The following ADAP2 variants were observed in gnomAD, a reference collection of about 807,000 sequenced individuals.
ADAP2 encodes the protein ArfGAP with dual PH domains 2, also known as arf-GAP with dual PH domain-containing protein 2.
Under a neutral mutation model 54.9 loss-of-function variants are expected in ADAP2, and 42 were observed. The ratio of observed to expected loss-of-function variants is 0.77; its 90% CI spans 0.60 to 0.99. ADAP2 has a LOEUF of 0.99. Ranked by LOEUF, ADAP2 falls within the 50% of genes least tolerant of loss-of-function variation. The pLI is 0.00. For missense variants in ADAP2, 429 were observed against 480.4 expected (o/e 0.89, Z 1.00); for synonymous variants, 177 against 180.1 (o/e 0.98, Z 0.14).
intron 6 of ADAP2, among the ~76,000 whole-genome samples, chr17:30,948,408 CAA>C (rs539830100): frequency 1.5e-5 from 2 of 137,538 alleles, no homozygotes; most frequent in African/African-American, 2.7e-5. Context: ...ACTAAAAATA[CAA>C]AAAAAAAAAA....
chr17:30,940,255 G>A (rs762500494), intron 5 of ADAP2, among the ~76,000 whole-genome samples: 4 of 151,598 alleles, frequency 2.6e-5, no homozygotes, highest in African/African-American at 9.7e-5. Context: ...AAGTCACCAC[G>A]CCTGGCCTTT....
intron 10 of ADAP2, 76 bp downstream of exon 10, chr17:30,956,545 G>A: frequency 7.8e-7 from 1 of 1,282,568 alleles, no homozygotes; most frequent in Non-Finnish European, 1.1e-6. Flanking sequence ...CTTAGGTTCA[G>A]CTTTGATACC....
At chr17:30,932,559 CTT>C (rs10562421) in intron 4 of ADAP2, among the ~76,000 whole-genome samples, 4,155 of 150,452 alleles carry the variant, frequency 0.028, 177 homozygotes, top group African/African-American at 0.093. Flanking sequence ...CAGCCAGACT[CTT>C]TTTCTTTTTC....
rs112024112 is a variant in ADAP2, at chr17:30,950,949, T to A, written c.741+1579T>A. Among the ~76,000 whole-genome samples the A allele has an allele frequency of 3.3e-3, 501 of 152,322 alleles. 2 individuals are homozygous for A. Among genetic ancestry groups the A allele is most frequent in the African/African-American group, 0.011 (470 of 41,584 alleles). On this transcript the variant is annotated intron_variant, in intron 7 of 10. Transcript: ENST00000330889. ...AAAGGAAATTGCTCTTTGGTCAACA[T>A]CCTCAATGTTCCCCTGCCTCTCTCA...
At chr17:30,933,519 G>A (rs1567717227) in intron 4 of ADAP2, among the ~76,000 whole-genome samples, 1 of 146,822 alleles carries the variant, frequency 6.8e-6, no homozygotes, top group Admixed American at 6.8e-5. Flanking sequence ...GCAGATGCCC[G>A]GAGGGAGTCT....
intron 3 of ADAP2, 24 bp downstream of exon 3, chr17:30,926,942 C>T (rs762503813): frequency 6.4e-7 from 1 of 1,574,178 alleles, no homozygotes; most frequent in African/African-American, 1.4e-5. Flanking sequence ...TCCTTAGGGA[C>T]TGGGTGAGGG....
At chr17:30,940,174 G>A (rs1325351057) in intron 5 of ADAP2, among the ~76,000 whole-genome samples, 1 of 151,850 alleles carries the variant, frequency 6.6e-6, no homozygotes, top group African/African-American at 2.4e-5. Flanking sequence ...TGTTGCCCAG[G>A]TTGGTCTTGA....
rs148812269 is a variant in ADAP2 at position 30,929,646 on chromosome 17, A to T, written c.318-2243A>T. Among the ~76,000 whole-genome samples the T allele has an allele frequency of 2.8e-3, 423 of 152,110 alleles. 1 individual carries two copies. Among genetic ancestry groups the T allele is most frequent in the Non-Finnish European group, 3.7e-3 (253 of 67,978 alleles). On this transcript the variant is annotated intron_variant, in intron 3 of 10. Coordinates refer to ENST00000330889, the MANE Select transcript of ADAP2 (RefSeq NM_018404.3). ...CATGGTGGGCCAGGTGATTCTCCTC[A>T]GTGATCTGTGGGCTGTGCACTAGGA... is the stretch of plus-strand genomic sequence containing the variant.
In ADAP2 at chr17:30,957,873, A is replaced by T; in HGVS notation, c.*4A>T. 1 of 1,612,818 alleles carries T rather than the reference A, an allele frequency of 6.2e-7. No homozygotes were observed. Among genetic ancestry groups the T allele is most frequent in the Non-Finnish European group, 8.5e-7 (1 of 1,179,474 alleles). ...GAGTGGCCGCAGCAGCAGGTGACCCATTAACTGAGGAACTGGCTGCCACTG... is the reference window on the plus strand; with the variant it reads ...GAGTGGCCGCAGCAGCAGGTGACCCTTTAACTGAGGAACTGGCTGCCACTG... On this transcript the variant is annotated 3_prime_UTR_variant, in exon 11 of 11. Coordinates refer to ENST00000330889, the MANE Select transcript of ADAP2 (RefSeq NM_018404.3).
At position 30,956,425 on chromosome 17, in the gene ADAP2, T is replaced by C; in HGVS notation, c.1067T>C (p.Leu356Ser). The change falls in exon 10 of 11, where the codon TTG becomes TCG. Residue 356 changes from leucine to serine, a missense_variant. Coordinates refer to ENST00000330889, the MANE Select transcript of ADAP2 (RefSeq NM_018404.3). ...GAACAGCAGGAATGGCTGGAAAGTT[T>C]GCGGGGTGTCCTGTCCAGCCCCTTG... is the stretch of plus-strand genomic sequence containing the variant. Reference protein sequence around the residue: ...EKEQQEWLESLRGVLSSPLTP... With the variant: ...EKEQQEWLESSRGVLSSPLTP... The C allele has an allele frequency of 6.8e-6, 11 of 1,614,160 alleles. No homozygotes were observed. The highest frequency in any genetic ancestry group is 1.3e-5 in the African/African-American group (1 of 75,036).
intron 5 of ADAP2, among the ~76,000 whole-genome samples, chr17:30,939,534 G>A (rs1166019975): frequency 6.6e-6 from 1 of 151,796 alleles, no homozygotes; most frequent in Non-Finnish European, 1.5e-5. Flanking sequence ...CACTTTGGGA[G>A]GCCGAGGCAG....
intron 4 of ADAP2, among the ~76,000 whole-genome samples, chr17:30,932,709 C>A (rs1335401271): frequency 6.6e-6 from 1 of 151,440 alleles, no homozygotes; most frequent in Non-Finnish European, 1.5e-5. Context: ...TCCTGAGTAG[C>A]TGGGATTACA....
At chr17:30,931,859 C>T (rs773724016) in intron 3 of ADAP2, 30 bp from the exon 4 acceptor site, 39 of 1,489,196 alleles carry the variant, frequency 2.6e-5, no homozygotes, top group South Asian at 6.0e-5. Flanking sequence ...ATGCATCAAA[C>T]GCAGCTGACC....
chr17:30,955,919 T>A (rs979018980), intron 9 of ADAP2, among the ~76,000 whole-genome samples: 1 of 151,144 alleles, frequency 6.6e-6, no homozygotes, highest in East Asian at 1.9e-4. Context: ...TAATTAATAA[T>A]TTTTTTTTGT....
At chr17:30,950,092 T>C (rs1243530711) in intron 7 of ADAP2, among the ~76,000 whole-genome samples, 3 of 152,234 alleles carry the variant, frequency 2.0e-5, no homozygotes, top group Non-Finnish European at 2.9e-5. Context: ...ATTTCACTGA[T>C]GAGTTATACA....
intron 5 of ADAP2, among the ~76,000 whole-genome samples, chr17:30,939,702 C>A (rs891203717): frequency 6.9e-6 from 1 of 144,288 alleles, no homozygotes; most frequent in African/African-American, 2.6e-5. Context: ...ACCTGGGAGG[C>A]GGAGCTTGCA....
chr17:30,949,402 C>A, intron 7 of ADAP2, 32 bp downstream of exon 7: 2 of 1,578,644 alleles, frequency 1.3e-6, no homozygotes, highest in Non-Finnish European at 1.7e-6. Flanking sequence ...ATTTCTGAAT[C>A]TCCTCTTGGC....
Position 30,921,962 on chromosome 17 carries a change from G to A in ADAP2, c.-53G>A, listed in dbSNP as rs1313073497. On this transcript the variant is annotated 5_prime_UTR_variant, in exon 1 of 11. Transcript: ENST00000330889. ...GCGGCCGGGTCCCTCTCCACCTGCC[G>A]GGCGGAGCGCACGGGCCATGGGCTG... The A allele has an allele frequency of 5.9e-6, 7 of 1,186,552 alleles. No homozygotes were observed. In the South Asian group the frequency reaches 2.0e-4, roughly 34 times the overall value. 73.5% of individuals were successfully genotyped at this position (1,186,552 alleles called of 1,614,324 possible). A position where few individuals can be genotyped will look rare whatever the true frequency, so the allele number is the denominator to read the frequency against.
At chr17:30,949,748 C>CAAAAA (rs34131343) in intron 7 of ADAP2, among the ~76,000 whole-genome samples, 2 of 61,980 alleles carry the variant, frequency 3.2e-5, no homozygotes, top group African/African-American at 4.8e-5. Context: ...GACTCCGTCT[C>CAAAAA]AAAAAAAAAA....
Sources: allele counts gnomAD v4.1 joint callset (sites outside exome capture counted in the v4.1 genomes callset), GRCh38; gene constraint gnomAD v4.1.1; transcripts MANE v1.5; gene names NCBI Gene and HGNC (gene_info 2026-07-23, HGNC 2026-07-21).